Variants in NR2F1 observed in about 807,000 individuals in gnomAD.
NR2F1 encodes the protein nuclear receptor subfamily 2 group F member 1, also known as COUP transcription factor 1.
Under a neutral mutation model 37.7 loss-of-function variants are expected in NR2F1, and 1 was observed. The observed-to-expected ratio is 0.03, with a 90% CI of 0.01 to 0.13. NR2F1 has a LOEUF of 0.13. NR2F1 is among the 10% of genes least tolerant of loss of function. NR2F1 has a pLI of 1.00. For missense variants in NR2F1, 268 were observed against 578.4 expected (o/e 0.46, Z 5.50); for synonymous variants, 275 against 259.6 (o/e 1.06, Z -0.57).
rs1286143996 is a variant in NR2F1 at position 93,584,792 on chromosome 5, C to CGCA, written c.-223_-221dup. On this transcript the variant is annotated 5_prime_UTR_variant, in exon 1 of 3. Transcript: ENST00000327111. ...AAAACGCCAGCAGGGCGGGCGGGCG[C>CGCA]GCAGCAGCAGCGGGGCGGCCGAGGC... The CGCA allele has an allele frequency of 6.5e-6, 1 of 153,614 alleles. No individual in the cohort carries two copies. Among genetic ancestry groups the CGCA allele is most frequent in the Non-Finnish European group, 1.4e-5 (1 of 69,748 alleles). 9.5% of individuals were successfully genotyped at this position (153,614 alleles called of 1,614,324 possible).
intron 2 of NR2F1, among the ~76,000 whole-genome samples, chr5:93,592,492 A>G (rs1374401855): frequency 6.6e-6 from 1 of 151,670 alleles, no homozygotes; most frequent in Non-Finnish European, 1.5e-5. Flanking sequence ...TAGTTAGTTG[A>G]TATAATATAA....
chr5:93,593,940 G>A lies in NR2F1; in HGVS notation c.*98G>A, dbSNP rs1214117926. 9.7e-6 allele frequency: 12 copies of A among 1,243,046 alleles called. No individual in the cohort carries two copies. Among genetic ancestry groups the A allele is most frequent in the East Asian group, 2.4e-5 (1 of 42,494 alleles). 77.0% of individuals were successfully genotyped at this position (1,243,046 alleles called of 1,614,324 possible). On this transcript the variant is annotated 3_prime_UTR_variant, in exon 3 of 3. Transcript: ENST00000327111. This position sits in a 1 kb window ranked among gnomAD's most constrained non-coding sequence, Gnocchi z 5.6. The stretch of plus-strand genomic sequence containing the variant: ...CCGCGGGGACACCGGGAAGTGCAGC[G>A]GGCCAGGCAGGCTGGGTGGGAGGGA...
At chr5:93,588,692 T>G (rs1434898390) in intron 2 of NR2F1, among the ~76,000 whole-genome samples, 2 of 151,116 alleles carry the variant, frequency 1.3e-5, no homozygotes, top group African/African-American at 4.8e-5. Flanking sequence ...CGGCCGGGCC[T>G]AGTCGCCCGG....
chr5:93,584,792 C>T lies in NR2F1; in HGVS notation c.-232C>T. 6.5e-6 allele frequency: 1 copy of T among 153,722 alleles called. No individual in the cohort carries two copies. Among genetic ancestry groups the T allele is most frequent in the Non-Finnish European group, 1.4e-5 (1 of 69,738 alleles). The allele number at this position is 153,722 out of a possible 1,614,324, so 9.5% of individuals were successfully genotyped here. The stretch of plus-strand genomic sequence containing the variant: ...AAAACGCCAGCAGGGCGGGCGGGCG[C>T]GCAGCAGCAGCGGGGCGGCCGAGGC... On this transcript the variant is annotated 5_prime_UTR_variant, in exon 1 of 3. Transcript: ENST00000327111.
In NR2F1 at chr5:93,587,948, G is replaced by A; in HGVS notation, c.495G>A (p.Gln165=). 1 of 1,594,682 alleles carries A rather than the reference G, an allele frequency of 6.3e-7. No individual in the cohort carries two copies. Among genetic ancestry groups the A allele is most frequent in the Non-Finnish European group, 8.6e-7 (1 of 1,166,736 alleles). ...AGCGAGGAAGAATGCCTCCAACCCA[G>A]CCCAATCCAGGCCAGTACGCACTCA... ...AVQRGRMPPT[Q]PNPGQYALTN... Residue 165 remains glutamine, a synonymous_variant, in exon 2 of 3, where the codon CAG becomes CAA. Coordinates refer to ENST00000327111, the MANE Select transcript of NR2F1 (RefSeq NM_005654.6).
chr5:93,588,380 C>T lies in NR2F1; in HGVS notation c.927C>T (p.Leu309=), dbSNP rs1008365679. The change falls in exon 2 of 3, where the codon CTC becomes CTT. Residue 309 remains leucine, a synonymous_variant. Coordinates refer to ENST00000327111, the MANE Select transcript of NR2F1 (RefSeq NM_005654.6). ...IRIFQEQVEK[L]KALHVDSAEY... is the part of the protein sequence containing the mutation. The stretch of plus-strand genomic sequence containing the variant: ...TCTTCCAGGAGCAGGTGGAGAAGCT[C>T]AAGGCGCTACACGTCGACTCAGCCG... 6.2e-7 allele frequency: 1 copy of T among 1,612,728 alleles called. No homozygotes were observed. Among genetic ancestry groups the T allele is most frequent in the Non-Finnish European group, 8.5e-7 (1 of 1,179,790 alleles).
rs1753212863 is a variant in NR2F1 at position 93,585,413 on chromosome 5, C to T, written c.390C>T (p.Ile130=). The part of the protein sequence containing the change: ...YTCRANRNCP[I]DQHHRNQCQY... ...GCCGTGCCAACAGGAACTGTCCCATCGACCAGCACCACCGCAACCAGTGCC... is the reference window on the plus strand; with the variant it reads ...GCCGTGCCAACAGGAACTGTCCCATTGACCAGCACCACCGCAACCAGTGCC... The change falls in exon 1 of 3, where the codon ATC becomes ATT. Residue 130 remains isoleucine (I), a synonymous_variant. Transcript: ENST00000327111. 1 of 1,614,110 alleles carries T rather than the reference C, an allele frequency of 6.2e-7. No homozygotes were observed. The highest frequency in any genetic ancestry group is 1.1e-5 in the South Asian group (1 of 91,088).
At chr5:93,585,703 C>T in intron 1 of NR2F1, 4 of 565,056 alleles carry the variant, frequency 7.1e-6, no homozygotes, top group East Asian at 5.9e-5. Flanking sequence ...CGCTCATCTC[C>T]CCGGCTCCCC....
intron 2 of NR2F1, among the ~76,000 whole-genome samples, chr5:93,588,746 C>CG (rs899988978): frequency 7.3e-5 from 11 of 149,852 alleles, no homozygotes; most frequent in East Asian, 3.9e-4. Flanking sequence ...GTGTCTGAGG[C>CG]GGGGGGGCGG....
At chr5:93,585,805 G>A (rs1753222571) in intron 1 of NR2F1, among the ~76,000 whole-genome samples, 1 of 151,740 alleles carries the variant, frequency 6.6e-6, no homozygotes, top group African/African-American at 2.4e-5. Flanking sequence ...GATGTGCTCG[G>A]TGTGTGTCTC....
In NR2F1 at chr5:93,593,516, G is replaced by A. The variant is rs763621331; in HGVS notation, c.992-46G>A. 86 of 1,580,754 alleles carry A rather than the reference G, an allele frequency of 5.4e-5. No homozygotes were observed. The highest frequency in any genetic ancestry group is 1.8e-4 in the Middle Eastern group (1 of 5,712). ...GCCTTTGCTATTTGTCAGCCTAACC[G>A]TGTGCTCCCTTTCCCTGTCTCTCCC... On this transcript the variant is annotated intron_variant, in intron 2 of 2. Coordinates refer to ENST00000327111, the MANE Select transcript of NR2F1 (RefSeq NM_005654.6). The surrounding 1 kb of genome is among the most constrained non-coding windows in gnomAD (Gnocchi z 5.6).
chr5:93,583,781 G>C lies in NR2F1; in HGVS notation c.-1243G>C, dbSNP rs1753172495. 6.6e-6 allele frequency: 1 copy of C among 152,146 alleles called. No homozygotes were observed. Among genetic ancestry groups the C allele is most frequent in the Admixed American group, 6.6e-5 (1 of 15,266 alleles). 9.4% of individuals were successfully genotyped at this position (152,146 alleles called of 1,614,324 possible). On this transcript the variant is annotated 5_prime_UTR_variant, in exon 1 of 3. Coordinates refer to ENST00000327111, the MANE Select transcript of NR2F1 (RefSeq NM_005654.6). The stretch of plus-strand genomic sequence containing the variant: ...GAGGATTATTTATTCGACCTACTTT[G>C]GATGTCTCTCTCGCTTTTCCTTTTT...
chr5:93,588,541 T>G, intron 2 of NR2F1, 97 bp downstream of exon 2: 3 of 854,148 alleles, frequency 3.5e-6, no homozygotes, highest in Non-Finnish European at 4.3e-6. Flanking sequence ...GCGCGGCCGG[T>G]GCGGGGCGGG....
rs1437442656 is a variant in NR2F1, at chr5:93,594,087, C to CA, written c.*253dup. 5.5e-5 allele frequency: 24 copies of CA among 436,152 alleles called. No individual in the cohort carries two copies. Among genetic ancestry groups the CA allele is most frequent in the East Asian group, 7.3e-5 (2 of 27,230 alleles). The allele number at this position is 436,152 out of a possible 1,614,324, so 27.0% of individuals were successfully genotyped here. ...CGTTGGCGAGGAAAAACAAAACAAA[C>CA]AAAAAAAAGAACCTTGTGTCTGTCT... On this transcript the variant is annotated 3_prime_UTR_variant, in exon 3 of 3. Coordinates refer to ENST00000327111, the MANE Select transcript of NR2F1 (RefSeq NM_005654.6).
intron 2 of NR2F1, 27 bp downstream of exon 2, chr5:93,588,471 G>A (rs1753270296): frequency 1.3e-6 from 2 of 1,481,722 alleles, no homozygotes; most frequent in African/African-American, 1.4e-5. Context: ...GGGGAGGGCA[G>A]GCCGCGCCGG....
rs770688600 is a variant in NR2F1 at position 93,588,447 on chromosome 5, G to GAGGCTGCGGTCGCGGGGAGGGC, written c.991+8_991+29dup. 68 of 1,576,170 alleles carry GAGGCTGCGGTCGCGGGGAGGGC rather than the reference G, an allele frequency of 4.3e-5. No homozygotes were observed. Among genetic ancestry groups the GAGGCTGCGGTCGCGGGGAGGGC allele is most frequent in the Non-Finnish European group, 5.4e-5 (62 of 1,156,140 alleles). ...AGCCATCGTGCTGTTCACGTCAGGTGAGGCTGCGGTCGCGGGGAGGGCAGG... is the reference window on the plus strand; with the variant it reads ...AGCCATCGTGCTGTTCACGTCAGGTGAGGCTGCGGTCGCGGGGAGGGCAGGCTGCGGTCGCGGGGAGGGCAGG... On this transcript the variant is annotated splice_donor_region_variant and intron_variant, in intron 2 of 2. Coordinates refer to ENST00000327111, the MANE Select transcript of NR2F1 (RefSeq NM_005654.6).
In NR2F1 at chr5:93,593,569, T is replaced by C; in HGVS notation, c.999T>C (p.Cys333=). The C allele has an allele frequency of 6.2e-7, 1 of 1,613,264 alleles. No individual in the cohort carries two copies. Among genetic ancestry groups the C allele is most frequent in the Non-Finnish European group, 8.5e-7 (1 of 1,179,560 alleles). Residue 333 remains cysteine, a synonymous_variant, in exon 3 of 3, where the codon TGT becomes TGC. Coordinates refer to ENST00000327111, the MANE Select transcript of NR2F1 (RefSeq NM_005654.6). This position sits in a 1 kb window ranked among gnomAD's most constrained non-coding sequence, Gnocchi z 5.6. The stretch of plus-strand genomic sequence containing the variant: ...CTGTGGCTGCTTGGGCAGACGCCTG[T>C]GGCCTGTCGGATGCGGCCCACATCG... The part of the protein sequence containing the change: ...KAIVLFTSDA[C]GLSDAAHIES...
intron 1 of NR2F1, chr5:93,587,561 A>C: frequency 4.5e-6 from 1 of 223,722 alleles, no homozygotes; most frequent in Non-Finnish European, 8.4e-6. Context: ...TTTTTTTTCC[A>C]TTCTGGAGGG....
chr5:93,592,117 G>A (rs1243041924), intron 2 of NR2F1: 3 of 152,194 alleles, frequency 2.0e-5, no homozygotes, highest in Non-Finnish European at 4.4e-5. Flanking sequence ...AGATGAAGGT[G>A]TTAGAATGCT....
Sources: gnomAD v4.1 joint callset for allele counts (sites outside exome capture counted in the v4.1 genomes callset) on GRCh38, gnomAD v4.1.1 for gene constraint, Gnocchi (gnomAD v3.1) non-coding constraint, MANE v1.5 for transcripts, NCBI Gene and HGNC (gene_info 2026-07-23, HGNC 2026-07-21) for gene names.